The following DTX1 variants were observed in gnomAD, a reference collection of about 807,000 sequenced individuals.
DTX1 encodes the protein deltex E3 ubiquitin ligase 1.
DTX1 carries 26 observed loss-of-function variants against 57.8 expected under a neutral mutation model. The ratio of observed to expected loss-of-function variants is 0.45; its 90% CI spans 0.33 to 0.62. DTX1 has a LOEUF of 0.62. Among genes scored for constraint, DTX1 ranks in the 20% least tolerant of loss-of-function variants. The pLI is 0.02. For synonymous variants in DTX1, 398 were observed against 394.1 expected, an observed-to-expected ratio of 1.01 and a Z score of -0.12; for missense variants, 704 against 895.3, an observed-to-expected ratio of 0.79 and a Z score of 2.73.
chr12:113,083,741 T>C (rs994510439), intron 3 of DTX1, among the ~76,000 whole-genome samples: 5 of 152,218 alleles, frequency 3.3e-5, no homozygotes, highest in African/African-American at 7.2e-5. Flanking sequence ...TGTGTCTCTC[T>C]CTCTCTTTCT....
In DTX1 at chr12:113,097,584, TG is replaced by T. The variant is rs1950322585; in HGVS notation, c.*646del. 1 of 152,396 alleles carries T rather than the reference TG, an allele frequency of 6.6e-6. No individual in the cohort carries two copies. The highest frequency in any genetic ancestry group is 6.5e-5 in the Admixed American group (1 of 15,284). The allele number at this position is 152,396 out of a possible 1,614,324, so 9.4% of individuals were successfully genotyped here. On this transcript the variant is annotated 3_prime_UTR_variant, in exon 10 of 10. Coordinates refer to ENST00000548759, the MANE Select transcript of DTX1 (RefSeq NM_004416.3). ...AGCGGGGACTAGAGGGTCCTGATTT[TG>T]TGTCTGTGCCTCTTCATCTCTCTGG... is the stretch of plus-strand genomic sequence containing the variant.
At position 113,093,891 on chromosome 12, in the gene DTX1, TCTGACCCTGGCCAACCCTTGCCAGC is replaced by T. The variant is rs1950265440; in HGVS notation, c.1166-139_1166-115del. ...AGCTAACCTCCAGCAACCCCTGACC[TCTGACCCTGGCCAACCCTTGCCAGC>T]CTGACCCCGGCCAACCCTTGCCAGC... On this transcript the variant is annotated intron_variant, in intron 5 of 9. Transcript: ENST00000548759. The surrounding 1 kb of genome is among the most constrained non-coding windows in gnomAD (Gnocchi z 4.2). 7.1e-7 allele frequency: 1 copy of T among 1,416,346 alleles called. No homozygotes were observed. Among genetic ancestry groups the T allele is most frequent in the African/African-American group, 1.4e-5 (1 of 70,252 alleles). 87.7% of individuals were successfully genotyped at this position (1,416,346 alleles called of 1,614,324 possible). A position where few individuals can be genotyped will look rare whatever the true frequency, so the allele number is the denominator to read the frequency against.
At chr12:113,061,790 C>T (rs960774764) in intron 2 of DTX1, among the ~76,000 whole-genome samples, 1 of 151,938 alleles carries the variant, frequency 6.6e-6, no homozygotes, top group South Asian at 2.1e-4. Context: ...CAGCCTCTTT[C>T]CCCGGGTTCA....
intron 3 of DTX1, among the ~76,000 whole-genome samples, chr12:113,085,379 G>C (rs528562889): frequency 1.3e-5 from 2 of 152,094 alleles, no homozygotes; most frequent in African/African-American, 2.4e-5. Flanking sequence ...ATCCACCCTT[G>C]TCCCTCCCAT....
intron 2 of DTX1, among the ~76,000 whole-genome samples, chr12:113,065,726 T>G: frequency 6.9e-6 from 1 of 144,808 alleles, no homozygotes; most frequent in Non-Finnish European, 1.5e-5. Context: ...TGGTAAGGAG[T>G]GAAGCGTGAG....
At chr12:113,067,358 G>A (rs1005839704) in intron 2 of DTX1, among the ~76,000 whole-genome samples, 1 of 152,090 alleles carries the variant, frequency 6.6e-6, no homozygotes, top group Non-Finnish European at 1.5e-5. Context: ...TTGTTCCAAG[G>A]TGTTACTCAC....
chr12:113,057,496 C>T lies in DTX1; in HGVS notation c.-697C>T, dbSNP rs1245005176. The stretch of plus-strand genomic sequence containing the variant: ...GGCGTGCCCACGGGCCCCCGCCCCC[C>T]TCGTCCCCCTCGTCCCCCAGCCCAG... On this transcript the variant is annotated 5_prime_UTR_variant, in exon 2 of 10. Coordinates refer to ENST00000548759, the MANE Select transcript of DTX1 (RefSeq NM_004416.3). The T allele has an allele frequency of 6.6e-6, 1 of 152,232 alleles. No individual in the cohort carries two copies. Among genetic ancestry groups the T allele is most frequent in the East Asian group, 1.9e-4 (1 of 5,134 alleles). The allele number at this position is 152,232 out of a possible 1,614,324, so 9.4% of individuals were successfully genotyped here.
chr12:113,094,607 C>T (rs554839071), intron 6 of DTX1, among the ~76,000 whole-genome samples, 182 bp from the exon 7 acceptor site: 3 of 152,160 alleles, frequency 2.0e-5, no homozygotes, highest in East Asian at 1.9e-4. Context: ...AATAAAATAA[C>T]GAAGAAGAAG....
Position 113,056,812 on chromosome 12 carries a change from C to A in DTX1, c.-877C>A, listed in dbSNP as rs2044626238. The stretch of plus-strand genomic sequence containing the variant: ...GTCTGTCCACGCGCGGAAAGCTCGG[C>A]GCGGCGGCCGAGGGGCCTGGGAGGG... On this transcript the variant is annotated 5_prime_UTR_variant, in exon 1 of 10. Coordinates refer to ENST00000548759, the MANE Select transcript of DTX1 (RefSeq NM_004416.3). 1 of 151,776 alleles carries A rather than the reference C, an allele frequency of 6.6e-6. No individual in the cohort carries two copies. The highest frequency in any genetic ancestry group is 6.5e-5 in the Admixed American group (1 of 15,268). The allele number at this position is 151,776 out of a possible 1,614,324, so 9.4% of individuals were successfully genotyped here.
chr12:113,074,738 C>T (rs61942306), intron 2 of DTX1, among the ~76,000 whole-genome samples: 6 of 152,070 alleles, frequency 3.9e-5, no homozygotes, highest in Non-Finnish European at 7.4e-5. Context: ...GATAACATGG[C>T]GGGGACTGGG....
At chr12:113,079,494 A>G (rs2044799580) in intron 3 of DTX1, among the ~76,000 whole-genome samples, 1 of 145,868 alleles carries the variant, frequency 6.9e-6, no homozygotes, top group East Asian at 2.0e-4. Context: ...CCTGGGTTCG[A>G]ATCCCCTCTT....
chr12:113,076,217 GGGAGGCTGAGGT>G (rs1318461730), intron 2 of DTX1, among the ~76,000 whole-genome samples: 28 of 152,220 alleles, frequency 1.8e-4, no homozygotes, highest in African/African-American at 6.7e-4. Flanking sequence ...CCAGCACTTT[GGGAGGCTGAGGT>G]GGGTGGATCA....
intron 3 of DTX1, among the ~76,000 whole-genome samples, chr12:113,082,088 C>T (rs559409610): frequency 3.9e-5 from 6 of 152,124 alleles, no homozygotes; most frequent in Admixed American, 6.5e-5. Flanking sequence ...GCCGCTCCCC[C>T]ACAGCCGACA....
At position 113,058,378 on chromosome 12, in the gene DTX1, G is replaced by A. The variant is rs1475623744; in HGVS notation, c.186G>A (p.Leu62=). ...AGGACGCTCGCGGTTCCGTGGTCCT[G>A]GGGCAGGTGGACGCCCAGCTTGTGC... ...LKEDARGSVV[L]GQVDAQLVPY... Residue 62 remains leucine, a synonymous_variant, in exon 2 of 10, where the codon CTG becomes CTA. Coordinates refer to ENST00000548759, the MANE Select transcript of DTX1 (RefSeq NM_004416.3). The A allele has an allele frequency of 1.2e-6, 2 of 1,610,658 alleles. No individual in the cohort carries two copies. Among genetic ancestry groups the A allele is most frequent in the Admixed American group, 3.3e-5 (2 of 60,024 alleles).
intron 9 of DTX1, 153 bp downstream of exon 9, chr12:113,095,567 T>G: frequency 1.1e-6 from 1 of 894,190 alleles, no homozygotes; most frequent in Non-Finnish European, 1.7e-6. Context: ...AGCCACCTCC[T>G]TCACACATCT....
intron 3 of DTX1, among the ~76,000 whole-genome samples, chr12:113,087,411 C>CG (rs1401693378): frequency 6.6e-6 from 1 of 152,086 alleles, no homozygotes; most frequent in Non-Finnish European, 1.5e-5. Context: ...CCTGGTCCCC[C>CG]GGGCTTGCAG....
At chr12:113,086,675 T>C (rs2044860075) in intron 3 of DTX1, among the ~76,000 whole-genome samples, 1 of 152,098 alleles carries the variant, frequency 6.6e-6, no homozygotes, top group African/African-American at 2.4e-5. Context: ...TTAAATTTCT[T>C]GCAGTGATTT....
At position 113,076,494 on chromosome 12, in the gene DTX1, T is replaced by C. The variant is rs186417812; in HGVS notation, c.260-930T>C. Among the ~76,000 whole-genome samples, 1,029 of 147,212 alleles carry C rather than the reference T, an allele frequency of 7.0e-3. 10 individuals are homozygous for C. The highest frequency in any genetic ancestry group is 0.024 in the African/African-American group (970 of 40,242). Reference sequence around the variant, plus strand: ...AAAAAAAAAGTGGGGCCGGTCATGGTGGCTCACACCTGTCATCTCAGCACT... The same window carrying C: ...AAAAAAAAAGTGGGGCCGGTCATGGCGGCTCACACCTGTCATCTCAGCACT... On this transcript the variant is annotated intron_variant, in intron 2 of 9. Transcript: ENST00000548759.
chr12:113,087,129 G>A (rs1038072198), intron 3 of DTX1, among the ~76,000 whole-genome samples: 4 of 139,698 alleles, frequency 2.9e-5, no homozygotes, highest in Non-Finnish European at 6.3e-5. Context: ...GAGGGTTGAA[G>A]AGTGACCCCC....
Sources: allele counts gnomAD v4.1 joint callset (sites outside exome capture counted in the v4.1 genomes callset), GRCh38; gene constraint gnomAD v4.1.1; non-coding constraint Gnocchi (gnomAD v3.1); transcripts MANE v1.5; gene names NCBI Gene and HGNC (gene_info 2026-07-23, HGNC 2026-07-21).